The following TXNDC12 variants were observed in gnomAD, a reference collection of about 807,000 sequenced individuals.
The protein encoded by TXNDC12 is thioredoxin domain containing 12, also known as thioredoxin domain-containing protein 12.
Under a neutral mutation model 24.2 loss-of-function variants are expected in TXNDC12, and 22 were observed. The observed-to-expected ratio is 0.91, with a 90% confidence interval of 0.65 to 1.30. The LOEUF (loss-of-function observed/expected upper bound fraction) is 1.30. TXNDC12 is among the 50% of genes most tolerant of loss of function. The pLI is 0.00. For synonymous variants in TXNDC12, 58 were observed against 73.4 expected (o/e 0.79, Z 1.07); for missense variants, 184 against 205.8 (o/e 0.89, Z 0.65).
intron 1 of TXNDC12, among the ~76,000 whole-genome samples, chr1:52,050,671 T>C (rs1420847317): frequency 6.6e-6 from 1 of 152,228 alleles, no homozygotes; most frequent in African/African-American, 2.4e-5. Context: ...AAATACTGAT[T>C]GTCTCAGTCA....
chr1:52,040,187 C>T (rs759504814), intron 2 of TXNDC12, among the ~76,000 whole-genome samples: 7 of 152,220 alleles, frequency 4.6e-5, no homozygotes, highest in Non-Finnish European at 8.8e-5. Context: ...CCCGCCTCAG[C>T]CTCCCAAAGT....
chr1:52,030,742 G>A (rs778159375), intron 2 of TXNDC12, among the ~76,000 whole-genome samples: 1 of 152,198 alleles, frequency 6.6e-6, no homozygotes, highest in Non-Finnish European at 1.5e-5. Flanking sequence ...TGGCAAACTA[G>A]GGTCTGCAGG....
Position 52,055,037 on chromosome 1 carries a change from G to A in TXNDC12, c.60C>T (p.Leu20=), listed in dbSNP as rs748999447. The change falls in exon 1 of 7, where the codon CTC becomes CTT. Residue 20 remains leucine (L), a synonymous_variant. Transcript: ENST00000371626. The stretch of plus-strand genomic sequence containing the variant: ...CATTATGTCCATCAGAAGAGATGAC[G>A]AGGAGCAGGAAACTGAAGCCCAGCA... ...TCLLGFSFLL[L]VISSDGHNGL... The A allele has an allele frequency of 1.9e-6, 3 of 1,614,046 alleles. No homozygotes were observed. Among genetic ancestry groups the A allele is most frequent in the South Asian group, 1.1e-5 (1 of 91,068 alleles).
At chr1:52,026,488 T>C (rs1038638230) in intron 4 of TXNDC12, among the ~76,000 whole-genome samples, 1 of 152,212 alleles carries the variant, frequency 6.6e-6, no homozygotes, top group Non-Finnish European at 1.5e-5. Flanking sequence ...AGGTGCTCAG[T>C]TGAATCACAT....
intron 2 of TXNDC12, among the ~76,000 whole-genome samples, chr1:52,038,176 T>C (rs906628474): frequency 6.6e-6 from 1 of 152,174 alleles, no homozygotes; most frequent in Non-Finnish European, 1.5e-5. Flanking sequence ...TGTGGCTTTT[T>C]TTTTCCAGAG....
intron 2 of TXNDC12, among the ~76,000 whole-genome samples, chr1:52,028,946 A>G (rs1685712818): frequency 6.6e-6 from 1 of 152,094 alleles, no homozygotes; most frequent in Admixed American, 6.6e-5. Flanking sequence ...TGGCCAACAT[A>G]ACAAAACCCT....
chr1:52,020,855 G>C lies in TXNDC12; in HGVS notation c.*78C>G, dbSNP rs12125706. 1 of 1,259,228 alleles carries C rather than the reference G, an allele frequency of 7.9e-7. No individual in the cohort carries two copies. The highest frequency in any genetic ancestry group is 1.8e-5 in the Admixed American group (1 of 56,442). 78.0% of individuals were successfully genotyped at this position (1,259,228 alleles called of 1,614,324 possible). On this transcript the variant is annotated 3_prime_UTR_variant, in exon 7 of 7. Transcript: ENST00000371626. ...TTTCCTGGTCGGCTTAATTGTTCTA[G>C]ATGATTCCTCAATATTCCCTTCCCT...
At chr1:52,050,967 T>C (rs17106999) in intron 1 of TXNDC12, 2,013 of 169,890 alleles carry the variant, frequency 0.012, 45 homozygotes, top group African/African-American at 0.046. Flanking sequence ...ACTGGAATGG[T>C]ATGCTGGTTA....
chr1:52,029,789 C>A (rs1040460499), intron 2 of TXNDC12, among the ~76,000 whole-genome samples: 5 of 152,190 alleles, frequency 3.3e-5, no homozygotes, highest in African/African-American at 1.2e-4. Flanking sequence ...TCAAATGAAT[C>A]ATTCAGTCAC....
intron 1 of TXNDC12, among the ~76,000 whole-genome samples, chr1:52,042,396 C>T (rs746875892): frequency 6.6e-4 from 101 of 152,178 alleles, no homozygotes; most frequent in Non-Finnish European, 1.1e-3. Flanking sequence ...GGCACCTGCC[C>T]ACCTCTCCAG....
At chr1:52,033,371 T>A (rs777503714) in intron 2 of TXNDC12, 2 of 1,613,634 alleles carry the variant, frequency 1.2e-6, no homozygotes, top group Non-Finnish European at 1.7e-6. Context: ...CAACTCACAC[T>A]GACGTTCCGG....
At chr1:52,034,794 C>T (rs1393874907) in intron 2 of TXNDC12, among the ~76,000 whole-genome samples, 3 of 151,844 alleles carry the variant, frequency 2.0e-5, no homozygotes, top group Admixed American at 1.3e-4. Flanking sequence ...GATGGAGCCT[C>T]GCTCTGTCAC....
intron 2 of TXNDC12, chr1:52,033,035 C>G: frequency 6.3e-7 from 1 of 1,575,566 alleles, no homozygotes; most frequent in Non-Finnish European, 8.6e-7. Context: ...GAGCGGATCC[C>G]CGCCAGGGGC....
chr1:52,054,734 A>T (rs182437595), intron 1 of TXNDC12, among the ~76,000 whole-genome samples: 203 of 152,322 alleles, frequency 1.3e-3, no homozygotes, highest in African/African-American at 4.5e-3. Context: ...CTGGGCTCTT[A>T]ACATGCTTTC....
chr1:52,027,187 T>TA, intron 4 of TXNDC12, 88 bp downstream of exon 4: 1 of 969,580 alleles, frequency 1.0e-6, no homozygotes. Context: ...TTCATACCAC[T>TA]AATGAAGCTG....
At chr1:52,041,005 C>T (rs964665995) in intron 2 of TXNDC12, among the ~76,000 whole-genome samples, 2 of 147,514 alleles carry the variant, frequency 1.4e-5, no homozygotes, top group African/African-American at 2.5e-5. Context: ...ACTGCACTCC[C>T]GCCTGGGTGA....
chr1:52,043,346 A>G (rs1271566076), intron 1 of TXNDC12, among the ~76,000 whole-genome samples: 1 of 152,230 alleles, frequency 6.6e-6, no homozygotes, highest in Non-Finnish European at 1.5e-5. Flanking sequence ...ACACATGGCC[A>G]CAGTAAGTGC....
At chr1:52,029,664 G>A (rs533314513) in intron 2 of TXNDC12, among the ~76,000 whole-genome samples, 3 of 152,296 alleles carry the variant, frequency 2.0e-5, no homozygotes, top group East Asian at 3.9e-4. Context: ...ACTCTTAGCT[G>A]TCTCTATATC....
Position 52,033,987 on chromosome 1 carries a change from A to G in TXNDC12, c.159-5357T>C, listed in dbSNP as rs1685836031. On this transcript the variant is annotated intron_variant, in intron 2 of 6. Coordinates refer to ENST00000371626, the MANE Select transcript of TXNDC12 (RefSeq NM_015913.4). ...GCATCAGTTATTTATGCCAAATGTT[A>G]TAGGCCTCAGGAGAATGTGATCTTC... 11 of 1,414,962 alleles carry G rather than the reference A, an allele frequency of 7.8e-6. 1 individual carries two copies. In the South Asian group the frequency reaches 1.4e-4, roughly 19 times the overall value. The allele number at this position is 1,414,962 out of a possible 1,614,324, so 87.7% of individuals were successfully genotyped here. A position where few individuals can be genotyped will look rare whatever the true frequency, so the allele number is the denominator to read the frequency against.
Sources: allele counts gnomAD v4.1 joint callset (sites outside exome capture counted in the v4.1 genomes callset), GRCh38; gene constraint gnomAD v4.1.1; transcripts MANE v1.5; gene names NCBI Gene and HGNC (gene_info 2026-07-23, HGNC 2026-07-21).